ELFN1: variants seen among roughly 807,000 people sequenced by gnomAD.
The protein encoded by ELFN1 is protein ELFN1.
In ELFN1, 6 loss-of-function variants were observed where a neutral mutation model predicts 7.6. The ratio of observed to expected loss-of-function variants is 0.79; its 90% confidence interval spans 0.43 to 1.56. The LOEUF is 1.56. Among genes scored for constraint, ELFN1 ranks in the 40% most tolerant of loss-of-function variants. The probability of loss-of-function intolerance (pLI) is 0.01; values close to 1 mark genes in which losing one functional copy is unlikely to be tolerated. For missense variants in ELFN1, 1,169 were observed against 1,232.2 expected (o/e 0.95, Z 0.77); for synonymous variants, 657 against 588.1 (o/e 1.12, Z -1.70).
intron 3 of ELFN1, among the ~76,000 whole-genome samples, chr7:1,714,320 C>T (rs900828117): frequency 6.6e-6 from 1 of 152,118 alleles, no homozygotes; most frequent in Non-Finnish European, 1.5e-5. Context: ...TCCCCCTGCC[C>T]GGGACAGACT....
chr7:1,720,588 C>A (rs184830494), intron 3 of ELFN1, among the ~76,000 whole-genome samples: 1 of 152,160 alleles, frequency 6.6e-6, no homozygotes, highest in African/African-American at 2.4e-5. Context: ...TGGCTCTTTG[C>A]GCCAGCTTGT....
chr7:1,724,638 C>G (rs1780130505), intron 3 of ELFN1, among the ~76,000 whole-genome samples: 1 of 152,214 alleles, frequency 6.6e-6, no homozygotes, highest in East Asian at 1.9e-4. Context: ...AACCCCCGCC[C>G]TTTGAGGGAC....
intron 3 of ELFN1, among the ~76,000 whole-genome samples, chr7:1,711,714 C>A (rs1182791184): frequency 6.6e-6 from 1 of 152,064 alleles, no homozygotes; most frequent in Non-Finnish European, 1.5e-5. Context: ...TGATCCCCTA[C>A]CAGAGCAAAG....
At chr7:1,668,958 C>T (rs1407743224), upstream of ELFN1, among the ~76,000 whole-genome samples, 3 of 152,224 alleles carry the variant, frequency 2.0e-5, no homozygotes, top group Non-Finnish European at 4.4e-5. Flanking sequence ...CAAGGCTCTG[C>T]ACCCCTATCA....
intron 1 of ELFN1, among the ~76,000 whole-genome samples, chr7:1,680,073 C>G (rs1778946641): frequency 6.6e-6 from 1 of 152,222 alleles, no homozygotes; most frequent in Admixed American, 6.5e-5. Flanking sequence ...TTCACTGATT[C>G]ATTCATTCAT....
At chr7:1,741,380 C>T (rs1315769779) in intron 3 of ELFN1, among the ~76,000 whole-genome samples, 2 of 152,332 alleles carry the variant, frequency 1.3e-5, no homozygotes, top group East Asian at 1.9e-4. Context: ...CTGCTGCTCA[C>T]CTGTACTCTG....
intron 1 of ELFN1, among the ~76,000 whole-genome samples, chr7:1,678,214 C>T (rs1391015375): frequency 1.3e-5 from 2 of 152,158 alleles, no homozygotes; most frequent in Non-Finnish European, 2.9e-5. Flanking sequence ...GAGGCATGCA[C>T]AGGGGTGCAC....
At chr7:1,684,540 C>A (rs1163538061) in intron 1 of ELFN1, among the ~76,000 whole-genome samples, 1 of 152,046 alleles carries the variant, frequency 6.6e-6, no homozygotes, top group Non-Finnish European at 1.5e-5. Context: ...CCATTCTTTT[C>A]TCCTGTGCTG....
intron 3 of ELFN1, among the ~76,000 whole-genome samples, chr7:1,719,177 G>A (rs1187338397): frequency 8.1e-6 from 1 of 123,918 alleles, no homozygotes; most frequent in South Asian, 2.6e-4. Context: ...ACAGGGCCCC[G>A]CCCACCAACA....
upstream of ELFN1, among the ~76,000 whole-genome samples, chr7:1,666,486 A>G (rs1778673075): frequency 2.0e-5 from 3 of 151,826 alleles, no homozygotes; most frequent in Admixed American, 2.0e-4. The surrounding 1 kb of genome is among the most constrained non-coding windows in gnomAD (Gnocchi z 7.9). Context: ...ACCCGAAGTT[A>G]GCGGCCGCCG....
intron 3 of ELFN1, among the ~76,000 whole-genome samples, chr7:1,720,882 G>A (rs1211387205): frequency 2.0e-5 from 3 of 152,064 alleles, no homozygotes; most frequent in African/African-American, 7.2e-5. Context: ...TGCATGCTCC[G>A]CTGGTACAGA....
In ELFN1 at chr7:1,735,341, C is replaced by T. The variant is rs988677786; in HGVS notation, c.-293-8963C>T. ...GGTAAGGTCGTCAGGCACTCGGCACCGTTCCCATAGCCCCTTGACCTTCCC... is the reference window on the plus strand; with the variant it reads ...GGTAAGGTCGTCAGGCACTCGGCACTGTTCCCATAGCCCCTTGACCTTCCC... On this transcript the variant is annotated intron_variant, in intron 3 of 3. Transcript: ENST00000424383. This position sits in a 1 kb window ranked among gnomAD's most constrained non-coding sequence, Gnocchi z 5.9. 2.6e-5 allele frequency among the ~76,000 whole-genome samples: 4 copies of T among 152,082 alleles called. No individual in the cohort carries two copies. Among genetic ancestry groups the T allele is most frequent in the African/African-American group, 9.7e-5 (4 of 41,416 alleles).
Position 1,747,206 on chromosome 7 carries a change from G to A in ELFN1, c.*123G>A. On this transcript the variant is annotated 3_prime_UTR_variant, in exon 4 of 4. Coordinates refer to ENST00000424383, the MANE Select transcript of ELFN1 (RefSeq NM_001128636.4). ...CTGTGACAGCGGGGGGCCCTGCAGA[G>A]GCGAGGGGGGAGCGAGTGGGGACAG... The A allele has an allele frequency of 2.6e-6, 3 of 1,171,812 alleles. No homozygotes were observed. Among genetic ancestry groups the A allele is most frequent in the Admixed American group, 6.6e-5 (2 of 30,398 alleles). The allele number at this position is 1,171,812 out of a possible 1,614,324, so 72.6% of individuals were successfully genotyped here.
chr7:1,728,001 G>T (rs1583382058), intron 3 of ELFN1, among the ~76,000 whole-genome samples: 1 of 152,188 alleles, frequency 6.6e-6, no homozygotes, highest in Admixed American at 6.5e-5. Flanking sequence ...GTTTGAGAGA[G>T]GCCGAGAGGT....
At chr7:1,725,486 G>C (rs1035408216) in intron 3 of ELFN1, among the ~76,000 whole-genome samples, 1 of 152,084 alleles carries the variant, frequency 6.6e-6, no homozygotes, top group African/African-American at 2.4e-5. Context: ...GAGGCAGAGC[G>C]GGGGTGGGGT....
rs980532415 is a variant in ELFN1 at position 1,670,933 on chromosome 7, G to A, written c.-549+579G>A. Among the ~76,000 whole-genome samples, 2 of 152,166 alleles carry A rather than the reference G, an allele frequency of 1.3e-5. No individual in the cohort carries two copies. Among genetic ancestry groups the A allele is most frequent in the Non-Finnish European group, 2.9e-5 (2 of 68,022 alleles). On this transcript the variant is annotated intron_variant, in intron 1 of 3. Transcript: ENST00000424383. The surrounding 1 kb of genome is among the most constrained non-coding windows in gnomAD (Gnocchi z 6.4). ...GCCCCTGAGTCCAACCACTGGCGGG[G>A]GGGTGGGGTGGGGGGCTTCGCTCCG...
Position 1,747,153 on chromosome 7 carries a change from A to G in ELFN1, c.*70A>G, listed in dbSNP as rs2128607741. 2 of 1,389,862 alleles carry G rather than the reference A, an allele frequency of 1.4e-6. No individual in the cohort carries two copies. Among genetic ancestry groups the G allele is most frequent in the African/African-American group, 3.0e-5 (2 of 67,240 alleles). The allele number at this position is 1,389,862 out of a possible 1,614,324, so 86.1% of individuals were successfully genotyped here. ...GATCCACCCAGAGACTCAGCACCAA[A>G]CCCAACACACGCACGCCACCACAGC... On this transcript the variant is annotated 3_prime_UTR_variant, in exon 4 of 4. Coordinates refer to ENST00000424383, the MANE Select transcript of ELFN1 (RefSeq NM_001128636.4).
chr7:1,715,472 G>A (rs753585773), intron 3 of ELFN1, among the ~76,000 whole-genome samples: 2 of 152,092 alleles, frequency 1.3e-5, no homozygotes, highest in African/African-American at 2.4e-5. Context: ...CCTGGATGGA[G>A]TCGCCCCGTG....
chr7:1,733,848 C>T (rs1032078782), intron 3 of ELFN1, among the ~76,000 whole-genome samples: 5 of 152,108 alleles, frequency 3.3e-5, no homozygotes, highest in Admixed American at 6.5e-5. Flanking sequence ...TGTGCACCTG[C>T]GCCTGGGGAG....
Sources: allele counts gnomAD v4.1 joint callset (sites outside exome capture counted in the v4.1 genomes callset), GRCh38; gene constraint gnomAD v4.1.1; non-coding constraint Gnocchi (gnomAD v3.1); transcripts MANE v1.5; gene names NCBI Gene and HGNC (gene_info 2026-07-23, HGNC 2026-07-21).